SMAD4: variants seen among roughly 807,000 people sequenced by gnomAD.
The protein encoded by SMAD4 is MAD homolog 4.
SMAD4 carries 7 observed loss-of-function variants against 63.2 expected under a neutral mutation model. The observed-to-expected ratio is 0.11, with a 90% CI of 0.06 to 0.21. The LOEUF is 0.21. Ranked by LOEUF, SMAD4 falls within the 10% of genes least tolerant of loss-of-function variation. The pLI is 1.00. For synonymous variants in SMAD4, 215 were observed against 235.4 expected, an observed-to-expected ratio of 0.91 and a Z score of 0.79; for missense variants, 312 against 693.8, an observed-to-expected ratio of 0.45 and a Z score of 6.18.
rs1910697280 is a variant in SMAD4 at position 51,084,343 on chromosome 18, GTAGATGA to G, written c.*5878_*5884del. On this transcript the variant is annotated 3_prime_UTR_variant, in exon 12 of 12. Transcript: ENST00000342988. ...TATATGACTCAAGAAAACAATACCAGTAGATGATTATTAACTTTATTCTTGGCTCTTT... is the reference window on the plus strand; with the variant it reads ...TATATGACTCAAGAAAACAATACCAGTTATTAACTTTATTCTTGGCTCTTT... 1 of 229,542 alleles carries G rather than the reference GTAGATGA, an allele frequency of 4.4e-6. No homozygotes were observed. The highest frequency in any genetic ancestry group is 1.8e-4 in the South Asian group (1 of 5,494). The allele number at this position is 229,542 out of a possible 1,614,324, so 14.2% of individuals were successfully genotyped here. A position where few individuals can be genotyped will look rare whatever the true frequency, so the allele number is the denominator to read the frequency against.
intron 1 of SMAD4, among the ~76,000 whole-genome samples, chr18:51,044,061 A>G (rs1599178668): frequency 6.6e-6 from 1 of 152,266 alleles, no homozygotes; most frequent in Non-Finnish European, 1.5e-5. Flanking sequence ...AATGTGTTAC[A>G]TTGTAATTTA....
intron 1 of SMAD4, among the ~76,000 whole-genome samples, chr18:51,034,906 A>G (rs74972410): frequency 0.051 from 7,813 of 152,218 alleles, 707 homozygotes; most frequent in African/African-American, 0.17. Context: ...AAATACTGAT[A>G]CCTGAATTCT....
At chr18:51,066,941 G>A (rs2144451251) in intron 9 of SMAD4, 78 bp from the exon 10 acceptor site, 3 of 1,068,830 alleles carry the variant, frequency 2.8e-6, no homozygotes, top group Non-Finnish European at 4.3e-6. Context: ...TCAATATTAA[G>A]CATGCTATAC....
chr18:51,051,273 G>A (rs1486719096), intron 4 of SMAD4: 7 of 424,000 alleles, frequency 1.7e-5, no homozygotes, highest in Non-Finnish European at 3.2e-5. Context: ...TTTCTATAGT[G>A]ACTGTAGGGC....
At position 51,066,754 on chromosome 18, in the gene SMAD4, A is replaced by G. The variant is rs1910169099; in HGVS notation, c.1140-265A>G. On this transcript the variant is annotated intron_variant, in intron 9 of 11. Transcript: ENST00000342988. ...TTCTTTATCTAAAAAAATTAGAATA[A>G]TAGTACTTGTTGAGTTGTAAGGGTT... The G allele has an allele frequency of 1.3e-5, 5 of 380,190 alleles. No homozygotes were observed. The South Asian group carries it at 1.4e-4, about 11-fold the overall frequency. The allele number at this position is 380,190 out of a possible 1,614,324, so 23.6% of individuals were successfully genotyped here.
intron 10 of SMAD4, among the ~76,000 whole-genome samples, chr18:51,075,581 T>C (rs1048827980): frequency 6.6e-6 from 1 of 152,156 alleles, no homozygotes; most frequent in Non-Finnish European, 1.5e-5. Context: ...TTTTTAAAAA[T>C]GCAAATAAAC....
At position 51,046,949 on chromosome 18, in the gene SMAD4, C is replaced by T. The variant is rs1166995278; in HGVS notation, c.-98C>T. 2 of 1,050,994 alleles carry T rather than the reference C, an allele frequency of 1.9e-6. No homozygotes were observed. Among genetic ancestry groups the T allele is most frequent in the Non-Finnish European group, 2.9e-6 (2 of 693,300 alleles). 65.1% of individuals were successfully genotyped at this position (1,050,994 alleles called of 1,614,324 possible). A position where few individuals can be genotyped will look rare whatever the true frequency, so the allele number is the denominator to read the frequency against. On this transcript the variant is annotated 5_prime_UTR_variant, in exon 2 of 12. Transcript: ENST00000342988. ...TCCTGAATACATGTCTAACAATTTT[C>T]CTTGCAACGTTAGCTGTTGTTTTTC...
At chr18:51,033,482 G>C (rs1045667911) in intron 1 of SMAD4, among the ~76,000 whole-genome samples, 5 of 152,154 alleles carry the variant, frequency 3.3e-5, no homozygotes, top group Non-Finnish European at 7.4e-5. Flanking sequence ...GAGCCACTGC[G>C]CCTGTCCTAT....
intron 1 of SMAD4, among the ~76,000 whole-genome samples, chr18:51,032,681 A>G (rs1599171156): frequency 6.6e-6 from 1 of 152,272 alleles, no homozygotes; most frequent in Middle Eastern, 3.4e-3. Context: ...ACTTGGAAGC[A>G]GTTTTTTTCT....
At chr18:51,045,745 T>C (rs923764746) in intron 1 of SMAD4, among the ~76,000 whole-genome samples, 9 of 152,116 alleles carry the variant, frequency 5.9e-5, no homozygotes. Context: ...TTTAGGACTT[T>C]TTCATTATAA....
At position 51,085,031 on chromosome 18, in the gene SMAD4, A is replaced by G. The variant is rs1288456629; in HGVS notation, c.*6564A>G. The G allele has an allele frequency of 2.6e-5, 5 of 194,278 alleles. No individual in the cohort carries two copies. The East Asian group carries it at 4.0e-4, about 16-fold the overall frequency. 12.0% of individuals were successfully genotyped at this position (194,278 alleles called of 1,614,324 possible). ...AAAGTATGTTTTTGATTAAAAGAGA[A>G]AGCCAACTAAATCATTATGTGCTCA... On this transcript the variant is annotated 3_prime_UTR_variant, in exon 12 of 12. Transcript: ENST00000342988.
chr18:51,059,259 C>T (rs562285943), intron 7 of SMAD4, among the ~76,000 whole-genome samples: 146 of 152,160 alleles, frequency 9.6e-4, no homozygotes, highest in African/African-American at 3.3e-3. Context: ...CTGCCTAGGC[C>T]GTCATAGTGT....
chr18:51,035,369 C>A (rs1599172948), intron 1 of SMAD4, among the ~76,000 whole-genome samples: 1 of 152,144 alleles, frequency 6.6e-6, no homozygotes, highest in East Asian at 1.9e-4. Context: ...CTTTAAGTCC[C>A]CAAGTTAGCA....
chr18:51,043,597 T>G (rs1909452002), intron 1 of SMAD4, among the ~76,000 whole-genome samples: 2 of 152,218 alleles, frequency 1.3e-5, no homozygotes. Context: ...CAGGCACTTG[T>G]GGTCATAGGA....
At chr18:51,065,720 G>T in intron 9 of SMAD4, 114 bp downstream of exon 9, 1 of 797,690 alleles carries the variant, frequency 1.3e-6, no homozygotes. Flanking sequence ...TATAAATAAA[G>T]GAATAAAGGT....
chr18:51,068,618 G>C (rs1568209194), intron 10 of SMAD4, among the ~76,000 whole-genome samples: 1 of 152,094 alleles, frequency 6.6e-6, no homozygotes, highest in Non-Finnish European at 1.5e-5. Context: ...AGAAAAGTTA[G>C]TTATTAAACA....
intron 2 of SMAD4, among the ~76,000 whole-genome samples, chr18:51,047,688 A>G (rs2144403099): frequency 6.6e-6 from 1 of 151,620 alleles, no homozygotes; most frequent in Admixed American, 6.6e-5. Context: ...GGCCCACTGC[A>G]ACCTCCACCT....
At chr18:51,053,543 TTA>T (rs1460157446) in intron 4 of SMAD4, 4 of 152,162 alleles carry the variant, frequency 2.6e-5, no homozygotes, top group African/African-American at 9.7e-5. Context: ...GGAATGGGAT[TTA>T]TAGGTCTTCA....
At chr18:51,070,242 A>C (rs189148401) in intron 10 of SMAD4, among the ~76,000 whole-genome samples, 1 of 152,332 alleles carries the variant, frequency 6.6e-6, no homozygotes, top group Admixed American at 6.5e-5. Context: ...ATAATGTGGA[A>C]TCGTGCAAGT....
Sources: allele counts gnomAD v4.1 joint callset (sites outside exome capture counted in the v4.1 genomes callset), GRCh38; gene constraint gnomAD v4.1.1; transcripts MANE v1.5; gene names NCBI Gene and HGNC (gene_info 2026-07-23, HGNC 2026-07-21).